PTPRZ1: variants seen among roughly 807,000 people sequenced by gnomAD.
The protein encoded by PTPRZ1 is protein tyrosine phosphatase receptor type Z1, also known as receptor-type tyrosine-protein phosphatase zeta.
Under a neutral mutation model 214.1 loss-of-function variants are expected in PTPRZ1, and 82 were observed. That is an observed-to-expected ratio of 0.38 (90% CI 0.32 to 0.46). The LOEUF is 0.46. PTPRZ1 is among the 20% of genes least tolerant of loss of function. PTPRZ1 has a pLI of 1.00. For missense variants in PTPRZ1, 2,603 were observed against 2,748.7 expected (o/e 0.95, Z 1.19); for synonymous variants, 945 against 987.9 (o/e 0.96, Z 0.81).
intron 13 of PTPRZ1, among the ~76,000 whole-genome samples, chr7:122,021,397 C>T (rs1296917586): frequency 6.6e-6 from 1 of 151,970 alleles, no homozygotes; most frequent in Non-Finnish European, 1.5e-5. Context: ...ACAAATAACA[C>T]TTTAGGTACC....
intron 1 of PTPRZ1, among the ~76,000 whole-genome samples, chr7:121,910,665 GA>G (rs972720569): frequency 7.2e-5 from 11 of 152,156 alleles, no homozygotes. Context: ...AGAAAAAAGA[GA>G]AGGTGGGACA....
At chr7:121,920,126 A>G (rs1314192860) in intron 1 of PTPRZ1, among the ~76,000 whole-genome samples, 2 of 152,118 alleles carry the variant, frequency 1.3e-5, no homozygotes, top group East Asian at 3.9e-4. Context: ...TTTTCACGGT[A>G]AATGTGAATG....
chr7:121,900,425 T>C (rs751073773), intron 1 of PTPRZ1, among the ~76,000 whole-genome samples: 4 of 152,198 alleles, frequency 2.6e-5, no homozygotes, highest in Admixed American at 2.6e-4. Flanking sequence ...TTGGATCCCA[T>C]TGATGGTTTA....
intron 13 of PTPRZ1, 82 bp downstream of exon 13, chr7:122,019,350 A>C: frequency 2.2e-6 from 3 of 1,360,742 alleles, no homozygotes; most frequent in South Asian, 1.3e-5. Context: ...TCTTCAAAGC[A>C]TATTCAAAAT....
chr7:121,975,434 G>A (rs1433392405), intron 4 of PTPRZ1, among the ~76,000 whole-genome samples: 5 of 152,154 alleles, frequency 3.3e-5, no homozygotes, highest in African/African-American at 1.2e-4. Flanking sequence ...TGAAGGGTCA[G>A]TTTAGAAATC....
intron 15 of PTPRZ1, among the ~76,000 whole-genome samples, chr7:122,033,298 G>C (rs1799437233): frequency 6.6e-6 from 1 of 151,844 alleles, no homozygotes. Flanking sequence ...GCCTTAAAAG[G>C]TTATGTGGAG....
At position 122,011,987 on chromosome 7, in the gene PTPRZ1, G is replaced by A. The variant is rs751962944; in HGVS notation, c.2941G>A (p.Ala981Thr). The change falls in exon 12 of 30, where the codon GCA becomes ACA. Residue 981 changes from alanine (A) to threonine (T), a missense_variant. Around this residue, in one of 6 missense-constraint regions of PTPRZ1, gnomAD observed 1,913 missense variants for 1,914.3 expected, o/e 1.00. Coordinates refer to ENST00000393386, the MANE Select transcript of PTPRZ1 (RefSeq NM_002851.3). Reference sequence around the variant, plus strand: ...TAAGTCTTCGTTAATAACCCCAACTGCATCATTACTGCAGCCTACTCATGC... The same window carrying A: ...TAAGTCTTCGTTAATAACCCCAACTACATCATTACTGCAGCCTACTCATGC... ...IPKSSLITPT[A>T]SLLQPTHALS... 2 of 1,614,122 alleles carry A rather than the reference G, an allele frequency of 1.2e-6. No homozygotes were observed. Among genetic ancestry groups the A allele is most frequent in the South Asian group, 1.1e-5 (1 of 91,084 alleles).
intron 25 of PTPRZ1, among the ~76,000 whole-genome samples, chr7:122,053,294 A>G (rs1792246218): frequency 6.6e-6 from 1 of 152,118 alleles, no homozygotes; most frequent in African/African-American, 2.4e-5. Flanking sequence ...ACTGAGAGGT[A>G]TTTACTATGG....
intron 11 of PTPRZ1, among the ~76,000 whole-genome samples, chr7:122,009,577 T>G (rs1798587232): frequency 6.6e-6 from 1 of 151,858 alleles, no homozygotes; most frequent in South Asian, 2.1e-4. Context: ...ATATTGAATC[T>G]TCCATGCAAT....
At chr7:121,937,279 G>A (rs774329430) in intron 2 of PTPRZ1, among the ~76,000 whole-genome samples, 31 of 152,270 alleles carry the variant, frequency 2.0e-4, no homozygotes, top group Non-Finnish European at 4.0e-4. Flanking sequence ...TGGGCCTGTT[G>A]GAAGCCAGAA....
chr7:121,874,370 G>A (rs1793987399), intron 1 of PTPRZ1, among the ~76,000 whole-genome samples: 1 of 152,162 alleles, frequency 6.6e-6, no homozygotes, highest in South Asian at 2.1e-4. Flanking sequence ...TCATTTTCGA[G>A]AAGTGCAAGA....
At chr7:122,020,514 C>T (rs1201887884) in intron 13 of PTPRZ1, among the ~76,000 whole-genome samples, 2 of 152,072 alleles carry the variant, frequency 1.3e-5, no homozygotes, top group Non-Finnish European at 2.9e-5. Context: ...ACAGCAGGTG[C>T]AAAGATCGGG....
chr7:121,915,695 A>C (rs1307509484), intron 1 of PTPRZ1, among the ~76,000 whole-genome samples: 1 of 152,194 alleles, frequency 6.6e-6, no homozygotes, highest in African/African-American at 2.4e-5. Context: ...ATAATAGCTT[A>C]TCAGATAAAC....
intron 12 of PTPRZ1, among the ~76,000 whole-genome samples, chr7:122,016,723 CAT>C (rs1459973073): frequency 2.0e-5 from 3 of 151,482 alleles, no homozygotes; most frequent in Admixed American, 1.3e-4. Context: ...GGACATATCT[CAT>C]ATATATGTAT....
At chr7:121,885,808 C>G (rs1380125498) in intron 1 of PTPRZ1, among the ~76,000 whole-genome samples, 1 of 152,108 alleles carries the variant, frequency 6.6e-6, no homozygotes, top group African/African-American at 2.4e-5. Flanking sequence ...TAGCATCTGT[C>G]AATTTGGAGA....
At chr7:122,037,981 C>T (rs1010739082) in intron 18 of PTPRZ1, among the ~76,000 whole-genome samples, 6 of 152,078 alleles carry the variant, frequency 3.9e-5, no homozygotes, top group African/African-American at 9.7e-5. Context: ...AGGGAGGTCT[C>T]GGGAAACTTA....
intron 2 of PTPRZ1, among the ~76,000 whole-genome samples, chr7:121,941,421 A>G (rs1796237611): frequency 6.6e-6 from 1 of 152,206 alleles, no homozygotes; most frequent in African/African-American, 2.4e-5. Flanking sequence ...TTGTGTAAAT[A>G]TAAAAACTTC....
chr7:122,008,158 T>A (rs997647094), intron 11 of PTPRZ1, among the ~76,000 whole-genome samples: 2 of 152,134 alleles, frequency 1.3e-5, no homozygotes, highest in Non-Finnish European at 2.9e-5. Context: ...ATAAAGGATG[T>A]TTATGTGGAA....
At chr7:121,882,968 G>A (rs1207700753) in intron 1 of PTPRZ1, among the ~76,000 whole-genome samples, 1 of 152,168 alleles carries the variant, frequency 6.6e-6, no homozygotes, top group Non-Finnish European at 1.5e-5. Context: ...CTGGGAAGGT[G>A]AAGATGTAGC....
Sources: gnomAD v4.1 joint callset for allele counts (sites outside exome capture counted in the v4.1 genomes callset) on GRCh38, gnomAD v4.1.1 for gene constraint, gnomAD v4.1.1 regional missense constraint, MANE v1.5 for transcripts, NCBI Gene and HGNC (gene_info 2026-07-23, HGNC 2026-07-21) for gene names.